Variants in ANKRD18A observed in about 807,000 individuals in gnomAD.
ANKRD18A encodes ankyrin repeat domain 18A.
ANKRD18A carries 72 observed loss-of-function variants against 110.6 expected under a neutral mutation model. That is an observed-to-expected ratio of 0.65 (90% CI 0.54 to 0.79). The LOEUF (loss-of-function observed/expected upper bound fraction) is 0.79, where lower values mean the gene tolerates loss of function less well. ANKRD18A is among the 30% of genes least tolerant of loss of function. The pLI, the probability that ANKRD18A is intolerant of heterozygous loss-of-function variation, is 0.00. For synonymous variants in ANKRD18A, 305 were observed against 410.3 expected (o/e 0.74, Z 3.10); for missense variants, 934 against 1,163.3 (o/e 0.80, Z 2.87).
chr9:38,597,591 G>A (rs1457866126), intron 8 of ANKRD18A, among the ~76,000 whole-genome samples: 4 of 152,056 alleles, frequency 2.6e-5, no homozygotes, highest in Non-Finnish European at 5.9e-5. Flanking sequence ...GGCACCAAAA[G>A]GGAAGATACA....
Position 38,611,202 on chromosome 9 carries a change from A to G in ANKRD18A, c.602+13T>C, listed in dbSNP as rs1825605087. 1 of 1,523,654 alleles carries G rather than the reference A, an allele frequency of 6.6e-7. No individual in the cohort carries two copies. The highest frequency in any genetic ancestry group is 8.8e-7 in the Non-Finnish European group (1 of 1,138,976). 94.4% of individuals were successfully genotyped at this position (1,523,654 alleles called of 1,614,324 possible). On this transcript the variant is annotated intron_variant, in intron 4 of 15. Transcript: ENST00000399703. ...TTAGGAAAAAAGAAAACAAAAAACA[A>G]AAACTATTGCACCTTTTGAAATTGT...
intron 12 of ANKRD18A, among the ~76,000 whole-genome samples, chr9:38,579,574 A>T (rs962130640): frequency 1.3e-5 from 2 of 152,248 alleles, no homozygotes; most frequent in Non-Finnish European, 2.9e-5. Context: ...ATACATTTTA[A>T]AATGTTCAGT....
rs140204085 is a variant in ANKRD18A at position 38,582,925 on chromosome 9, G to A, written c.2247+3258C>T. ...ATTTGAAAAGTGTATATCTGATAAG[G>A]GACTTACATATATAGGATATATAAA... On this transcript the variant is annotated intron_variant, in intron 12 of 15. Coordinates refer to ENST00000399703, the MANE Select transcript of ANKRD18A (RefSeq NM_147195.4). 3.8e-4 allele frequency among the ~76,000 whole-genome samples: 58 copies of A among 152,134 alleles called. No homozygotes were observed. The East Asian group carries it at 0.01, about 27-fold the overall frequency.
chr9:38,593,656 TA>T, intron 10 of ANKRD18A, 103 bp downstream of exon 10: 2 of 1,150,586 alleles, frequency 1.7e-6, no homozygotes, highest in African/African-American at 1.6e-5. Context: ...TCAATTATAA[TA>T]AAATATAAAA....
At chr9:38,616,319 T>C (rs568877078) in intron 1 of ANKRD18A, among the ~76,000 whole-genome samples, 4 of 152,384 alleles carry the variant, frequency 2.6e-5, no homozygotes, top group African/African-American at 4.8e-5. Context: ...TTGCTTAGCC[T>C]TTCTGTGCCT....
At chr9:38,613,279 G>A (rs1238535816) in intron 3 of ANKRD18A, among the ~76,000 whole-genome samples, 1 of 151,508 alleles carries the variant, frequency 6.6e-6, no homozygotes, top group Non-Finnish European at 1.5e-5. Flanking sequence ...TAAGCCTGAG[G>A]TCCAGACTTC....
intron 12 of ANKRD18A, among the ~76,000 whole-genome samples, chr9:38,581,341 G>A (rs1416148045): frequency 1.3e-5 from 2 of 152,080 alleles, no homozygotes; most frequent in Non-Finnish European, 2.9e-5. Flanking sequence ...CTTCAATTAT[G>A]AACTCTGATA....
chr9:38,567,274 A>AC (rs1275101977), downstream of ANKRD18A: 1 of 152,226 alleles, frequency 6.6e-6, no homozygotes, highest in Non-Finnish European at 1.5e-5. Flanking sequence ...TCAATTGAGA[A>AC]CAAAGCCATC....
chr9:38,576,786 G>GA (rs1390767490), intron 14 of ANKRD18A, among the ~76,000 whole-genome samples: 1 of 151,900 alleles, frequency 6.6e-6, no homozygotes, highest in South Asian at 2.1e-4. Context: ...AATACTTAGT[G>GA]AAAAAAACTA....
intron 8 of ANKRD18A, among the ~76,000 whole-genome samples, chr9:38,596,604 A>G (rs1381963283): frequency 6.6e-6 from 1 of 151,964 alleles, no homozygotes; most frequent in East Asian, 1.9e-4. Flanking sequence ...ATTTGAAGTC[A>G]ATGAATCCAT....
In ANKRD18A at chr9:38,575,595, G is replaced by T; in HGVS notation, c.2845C>A (p.Pro949Thr). The change falls in exon 15 of 16, where the codon CCT (proline) becomes ACT (threonine). Residue 949 changes from proline to threonine, a missense_variant. Pro to Thr is a conservative substitution (Grantham distance 38). This residue lies in a region of ANKRD18A where 223 missense variants were observed against 226.7 expected (regional missense o/e 0.98). Transcript: ENST00000399703. ...ATACTATTAAGATTTTCAACACAAGGTAACTCTGGTTCTGGCCTTGTAGGA... is the reference window on the plus strand; with the variant it reads ...ATACTATTAAGATTTTCAACACAAGTTAACTCTGGTTCTGGCCTTGTAGGA... ...TLPTRPEPEL[P>T]CVENLNSIEL... is the part of the protein sequence containing the mutation. 5 of 1,551,574 alleles carry T rather than the reference G, an allele frequency of 3.2e-6. No homozygotes were observed. Among genetic ancestry groups the T allele is most frequent in the Non-Finnish European group, 2.6e-6 (3 of 1,146,836 alleles).
intron 13 of ANKRD18A, 79 bp from the exon 14 acceptor site, chr9:38,577,343 C>T: frequency 7.1e-7 from 1 of 1,417,266 alleles, no homozygotes; most frequent in Non-Finnish European, 9.4e-7. Context: ...CATTTTGAAT[C>T]AGTGATTCGA....
downstream of ANKRD18A, chr9:38,566,399 C>T (rs1187185948): frequency 1.3e-5 from 2 of 152,166 alleles, no homozygotes; most frequent in African/African-American, 2.4e-5. Context: ...AAGACATTTT[C>T]CAGAAAGCTT....
intron 12 of ANKRD18A, among the ~76,000 whole-genome samples, chr9:38,578,825 G>A (rs1404560220): frequency 2.0e-5 from 3 of 152,148 alleles, no homozygotes; most frequent in African/African-American, 4.8e-5. Flanking sequence ...CAGGGCTGCC[G>A]TGAATTATGA....
At chr9:38,588,483 A>G (rs1824483942) in intron 11 of ANKRD18A, 68 bp downstream of exon 11, 4 of 1,018,454 alleles carry the variant, frequency 3.9e-6, no homozygotes, top group Non-Finnish European at 5.2e-6. Context: ...TCAAAGTTTT[A>G]GTCAAGTAAA....
At chr9:38,601,406 G>A (rs553199892) in intron 7 of ANKRD18A, among the ~76,000 whole-genome samples, 20 of 152,168 alleles carry the variant, frequency 1.3e-4, no homozygotes, top group African/African-American at 4.6e-4. Context: ...GATATCAGCA[G>A]GTTCAAGCCA....
intron 6 of ANKRD18A, among the ~76,000 whole-genome samples, chr9:38,605,659 G>A (rs537398875): frequency 6.6e-6 from 1 of 152,252 alleles, no homozygotes; most frequent in African/African-American, 2.4e-5. Context: ...CTGTCACCCA[G>A]GCTGGAGTGC....
intron 10 of ANKRD18A, among the ~76,000 whole-genome samples, chr9:38,591,590 T>A (rs554208947): frequency 6.6e-6 from 1 of 152,206 alleles, no homozygotes. Context: ...GCATGATAAT[T>A]TTCACTGTTT....
At position 38,593,812 on chromosome 9, in the gene ANKRD18A, T is replaced by C. The variant is rs964736468; in HGVS notation, c.1952A>G (p.Asn651Ser). ...CTTTGAAGTCCATGTCTCATTCAAATTAATATGACAATGTGATGTACCTTC... is the reference window on the plus strand; with the variant it reads ...CTTTGAAGTCCATGTCTCATTCAAACTAATATGACAATGTGATGTACCTTC... ...PLEGTSHCHI[N>S]LNETWTSKKK... Residue 651 changes from asparagine (N) to serine (S), a missense_variant, in exon 10 of 16, where the codon AAT becomes AGT. Coordinates refer to ENST00000399703, the MANE Select transcript of ANKRD18A (RefSeq NM_147195.4). 4.5e-6 allele frequency: 7 copies of C among 1,543,142 alleles called. No homozygotes were observed. In the African/African-American group the frequency reaches 9.6e-5, roughly 21 times the overall value.
Sources: gnomAD v4.1 joint callset for allele counts (sites outside exome capture counted in the v4.1 genomes callset) on GRCh38, gnomAD v4.1.1 for gene constraint, gnomAD v4.1.1 regional missense constraint, MANE v1.5 for transcripts, NCBI Gene and HGNC (gene_info 2026-07-23, HGNC 2026-07-21) for gene names.